BTNL8: variants seen among roughly 807,000 people sequenced by gnomAD.
BTNL8 encodes butyrophilin-like protein 8.
In BTNL8, 22 loss-of-function variants were observed where a neutral mutation model predicts 36.1. The observed-to-expected ratio is 0.61, with a 90% confidence interval of 0.44 to 0.87. The LOEUF (loss-of-function observed/expected upper bound fraction) is 0.87. Among genes scored for constraint, BTNL8 ranks in the 40% least tolerant of loss-of-function variants. The pLI is 0.00. For missense variants in BTNL8, 526 were observed against 616.9 expected (o/e 0.85, Z 1.56); for synonymous variants, 203 against 235.6 (o/e 0.86, Z 1.27).
rs774068727 is a variant in BTNL8, at chr5:180,908,850, C to T, written c.314C>T (p.Thr105Ile). ...GRISLRLENI[T>I]VLDAGLYGCR... ...ATCTCTCTGAGGCTGGAAAACATTA[C>T]TGTGTTGGATGCTGGCCTCTATGGG... is the stretch of plus-strand genomic sequence containing the variant. The change falls in exon 2 of 8, where the codon ACT (threonine) becomes ATT (isoleucine). Residue 105 changes from threonine to isoleucine, a missense_variant. Coordinates refer to ENST00000340184, the MANE Select transcript of BTNL8 (RefSeq NM_001040462.3). 9.9e-6 allele frequency: 16 copies of T among 1,614,056 alleles called. No homozygotes were observed. The highest frequency in any genetic ancestry group is 3.3e-4 in the Middle Eastern group (2 of 6,082).
At chr5:180,909,587 G>A in intron 2 of BTNL8, 1 of 985,058 alleles carries the variant, frequency 1.0e-6, no homozygotes, top group Non-Finnish European at 1.2e-6. Context: ...ACAGTGAAAT[G>A]TATTTGACGG....
intron 3 of BTNL8, among the ~76,000 whole-genome samples, chr5:180,931,951 T>C (rs1258688359): frequency 3.3e-5 from 5 of 152,164 alleles, no homozygotes; most frequent in African/African-American, 9.7e-5. Context: ...AGCAATCCCA[T>C]TACTAAGTAT....
intron 1 of BTNL8, among the ~76,000 whole-genome samples, chr5:180,900,355 C>T (rs987785689): frequency 3.3e-5 from 5 of 152,188 alleles, no homozygotes; most frequent in Non-Finnish European, 4.4e-5. Flanking sequence ...CATGGAGATA[C>T]GATCACATTC....
chr5:180,949,284 G>T lies in BTNL8; in HGVS notation c.862+19G>T, dbSNP rs373480350. On this transcript the variant is annotated intron_variant, in intron 7 of 7. Coordinates refer to ENST00000340184, the MANE Select transcript of BTNL8 (RefSeq NM_001040462.3). ...CACGCAGGTACCAACGCCTGAGAGGGTGACAGTGGGACAGAATCTCAGGTG... is the reference window on the plus strand; with the variant it reads ...CACGCAGGTACCAACGCCTGAGAGGTTGACAGTGGGACAGAATCTCAGGTG... 2 of 1,461,462 alleles carry T rather than the reference G, an allele frequency of 1.4e-6. No individual in the cohort carries two copies. The highest frequency in any genetic ancestry group is 9.4e-7 in the Non-Finnish European group (1 of 1,058,320). 90.5% of individuals were successfully genotyped at this position (1,461,462 alleles called of 1,614,324 possible).
intron 3 of BTNL8, among the ~76,000 whole-genome samples, chr5:180,921,134 T>C (rs1757844994): frequency 6.6e-6 from 1 of 152,076 alleles, no homozygotes; most frequent in Admixed American, 6.5e-5. Context: ...TTATATAAAA[T>C]AAGTAACCTC....
At chr5:180,910,080 G>A (rs1372179041) in intron 2 of BTNL8, among the ~76,000 whole-genome samples, 5 of 152,060 alleles carry the variant, frequency 3.3e-5, no homozygotes, top group East Asian at 1.9e-4. Context: ...CCTCAGGCCC[G>A]GCTAAGCTGT....
chr5:180,945,696 G>T, intron 3 of BTNL8: 1 of 352,598 alleles, frequency 2.8e-6, no homozygotes, highest in South Asian at 2.2e-5. Flanking sequence ...GTGGACAACA[G>T]GGAGAGTGTA....
intron 3 of BTNL8, among the ~76,000 whole-genome samples, chr5:180,913,472 C>T (rs1324047894): frequency 6.6e-6 from 1 of 152,136 alleles, no homozygotes; most frequent in African/African-American, 2.4e-5. Context: ...GTACTACACT[C>T]CAAAAGAGCT....
At chr5:180,907,722 T>A (rs199726812) in intron 1 of BTNL8, among the ~76,000 whole-genome samples, 9 of 151,924 alleles carry the variant, frequency 5.9e-5, no homozygotes, top group African/African-American at 9.7e-5. Flanking sequence ...CCTTTCTGTT[T>A]GTTTTCCTTC....
At chr5:180,921,329 A>C (rs1757850889) in intron 3 of BTNL8, among the ~76,000 whole-genome samples, 1 of 152,096 alleles carries the variant, frequency 6.6e-6, no homozygotes, top group South Asian at 2.1e-4. Flanking sequence ...GTAATGAAAT[A>C]TTACTCAACA....
At chr5:180,919,993 CA>C (rs1375483713) in intron 3 of BTNL8, among the ~76,000 whole-genome samples, 2 of 152,114 alleles carry the variant, frequency 1.3e-5, no homozygotes, top group African/African-American at 4.8e-5. Context: ...TATTAAAATT[CA>C]AAGGCATTTC....
intron 3 of BTNL8, among the ~76,000 whole-genome samples, chr5:180,940,542 A>G (rs1758879312): frequency 1.3e-5 from 2 of 152,306 alleles, no homozygotes; most frequent in South Asian, 4.1e-4. Context: ...GAAGGAAATA[A>G]ATAATAAATA....
chr5:180,942,378 A>G (rs1239548066), intron 3 of BTNL8, among the ~76,000 whole-genome samples: 1 of 152,226 alleles, frequency 6.6e-6, no homozygotes, highest in Non-Finnish European at 1.5e-5. Context: ...AAAGTGATCT[A>G]CAGAGTCAAT....
chr5:180,922,643 T>C (rs1282768870), intron 3 of BTNL8, among the ~76,000 whole-genome samples: 3 of 151,044 alleles, frequency 2.0e-5, no homozygotes, highest in Non-Finnish European at 4.4e-5. Context: ...ATGTGCTATG[T>C]AGTGATAAGA....
chr5:180,912,898 A>C (rs926544368), intron 3 of BTNL8, among the ~76,000 whole-genome samples: 1 of 152,138 alleles, frequency 6.6e-6, no homozygotes, highest in African/African-American at 2.4e-5. Flanking sequence ...GAAAGTGATG[A>C]AAGGAAATAT....
At position 180,908,853 on chromosome 5, in the gene BTNL8, T is replaced by G; in HGVS notation, c.317T>G (p.Val106Gly). 6.2e-7 allele frequency: 1 copy of G among 1,614,196 alleles called. No homozygotes were observed. Among genetic ancestry groups the G allele is most frequent in the East Asian group, 2.2e-5 (1 of 44,880 alleles). ...TCTCTGAGGCTGGAAAACATTACTG[T>G]GTTGGATGCTGGCCTCTATGGGTGC... ...RISLRLENITVLDAGLYGCRI... is the reference protein window; with the variant it reads ...RISLRLENITGLDAGLYGCRI... Residue 106 changes from valine (V) to glycine (G), a missense_variant, in exon 2 of 8, where the codon GTG becomes GGG. Physicochemically the swap from Val to Gly is moderately radical, Grantham distance 109. Coordinates refer to ENST00000340184, the MANE Select transcript of BTNL8 (RefSeq NM_001040462.3).
intron 3 of BTNL8, among the ~76,000 whole-genome samples, chr5:180,932,010 T>C (rs1758412311): frequency 6.6e-6 from 1 of 152,206 alleles, no homozygotes; most frequent in African/African-American, 2.4e-5. Flanking sequence ...CATGCACACA[T>C]ATGTTTATTG....
intron 3 of BTNL8, among the ~76,000 whole-genome samples, chr5:180,912,942 G>A (rs950701897): frequency 6.6e-5 from 10 of 152,140 alleles, no homozygotes; most frequent in Admixed American, 5.9e-4. Context: ...GTTTCTTGGT[G>A]TTGCATAAAT....
chr5:180,933,667 T>C (rs1046915736), intron 3 of BTNL8, among the ~76,000 whole-genome samples: 1 of 152,066 alleles, frequency 6.6e-6, no homozygotes, highest in Admixed American at 6.5e-5. Context: ...TTTATAGCAA[T>C]AGACATCTGT....
Sources: allele counts gnomAD v4.1 joint callset (sites outside exome capture counted in the v4.1 genomes callset), GRCh38; gene constraint gnomAD v4.1.1; transcripts MANE v1.5; gene names NCBI Gene and HGNC (gene_info 2026-07-23, HGNC 2026-07-21).